GJC2: variants seen among roughly 807,000 people sequenced by gnomAD.
GJC2 encodes the protein gap junction gamma-2 protein.
For synonymous variants in GJC2, 336 were observed against 307.5 expected, an observed-to-expected ratio of 1.09 and a Z score of -0.97; for missense variants, 647 against 648.9, an observed-to-expected ratio of 1.00 and a Z score of 0.03.
Position 228,159,282 on chromosome 1 carries a change from G to A in GJC2, c.*204G>A. On this transcript the variant is annotated 3_prime_UTR_variant, in exon 2 of 2. Transcript: ENST00000366714. The surrounding 1 kb of genome is among the most constrained non-coding windows in gnomAD (Gnocchi z 4.0). ...GTCACCACTGGGGCCAAGGTGGGGT[G>A]GAGAGAGGCCTAGGAGCCAGAAAGG... 9.6e-6 allele frequency: 6 copies of A among 627,662 alleles called. No homozygotes were observed. Among genetic ancestry groups the A allele is most frequent in the Non-Finnish European group, 1.7e-5 (6 of 354,576 alleles). The allele number at this position is 627,662 out of a possible 1,614,324, so 38.9% of individuals were successfully genotyped here.
Position 228,159,407 on chromosome 1 carries a change from T to G in GJC2, c.*329T>G, listed in dbSNP as rs1202966387. The G allele has an allele frequency of 3.0e-6, 1 of 329,868 alleles. No homozygotes were observed. Among genetic ancestry groups the G allele is most frequent in the Non-Finnish European group, 5.9e-6 (1 of 169,540 alleles). The allele number at this position is 329,868 out of a possible 1,614,324, so 20.4% of individuals were successfully genotyped here. On this transcript the variant is annotated 3_prime_UTR_variant, in exon 2 of 2. Coordinates refer to ENST00000366714, the MANE Select transcript of GJC2 (RefSeq NM_020435.4). The surrounding 1 kb of genome is among the most constrained non-coding windows in gnomAD (Gnocchi z 4.0). Reference sequence around the variant, plus strand: ...TCTGGGATGCCAGCTCTCCCCTTTGTGCTTCCCTGCAGCAACCCATGGAGG... The same window carrying G: ...TCTGGGATGCCAGCTCTCCCCTTTGGGCTTCCCTGCAGCAACCCATGGAGG...
chr1:228,154,811 C>T (rs2034660634), intron 1 of GJC2, among the ~76,000 whole-genome samples: 1 of 152,264 alleles, frequency 6.6e-6, no homozygotes, highest in Non-Finnish European at 1.5e-5. Context: ...CACAGACTTC[C>T]TCTCTGACAC....
chr1:228,158,436 C>T lies in GJC2; in HGVS notation c.678C>T (p.Ala226=), dbSNP rs753309235. The T allele has an allele frequency of 1.5e-5, 24 of 1,609,156 alleles. No homozygotes were observed. The highest frequency in any genetic ancestry group is 1.8e-5 in the Non-Finnish European group (21 of 1,179,570). ...TGGCCAGGGCAGCTTTCGAGGTGGC[C>T]TTCCTGGTGGGCCAGTACCTGCTGT... ...QLVARAAFEV[A]FLVGQYLLYG... Residue 226 remains alanine, a synonymous_variant, in exon 2 of 2, where the codon GCC becomes GCT. Transcript: ENST00000366714. The surrounding 1 kb of genome is among the most constrained non-coding windows in gnomAD (Gnocchi z 8.3).
Position 228,151,582 on chromosome 1 carries a change from G to A in GJC2, c.-20+1575G>A, listed in dbSNP as rs1199454424. 2.0e-5 allele frequency among the ~76,000 whole-genome samples: 3 copies of A among 152,184 alleles called. No homozygotes were observed. Among genetic ancestry groups the A allele is most frequent in the Admixed American group, 6.5e-5 (1 of 15,280 alleles). On this transcript the variant is annotated intron_variant, in intron 1 of 1. Coordinates refer to ENST00000366714, the MANE Select transcript of GJC2 (RefSeq NM_020435.4). This position sits in a 1 kb window ranked among gnomAD's most constrained non-coding sequence, Gnocchi z 5.4. The stretch of plus-strand genomic sequence containing the variant: ...CGAGCAGCAGTGTGCATGTGGCAGT[G>A]TGCACTGCTTGTGTGTGGGGGGGTG...
chr1:228,150,817 G>T lies in GJC2; in HGVS notation c.-20+810G>T, dbSNP rs751823861. The stretch of plus-strand genomic sequence containing the variant: ...CTGGGCGTTCAGGAGGGAAGAGACG[G>T]GTTCGTGGATCCTGCGGGTGGAGGG... On this transcript the variant is annotated intron_variant, in intron 1 of 1. Transcript: ENST00000366714. This position sits in a 1 kb window ranked among gnomAD's most constrained non-coding sequence, Gnocchi z 4.6. Among the ~76,000 whole-genome samples the T allele has an allele frequency of 1.3e-5, 2 of 152,114 alleles. No homozygotes were observed. Among genetic ancestry groups the T allele is most frequent in the African/African-American group, 4.8e-5 (2 of 41,426 alleles).
Position 228,158,460 on chromosome 1 carries a change from G to A in GJC2, c.702G>A (p.Leu234=). 1 of 1,611,350 alleles carries A rather than the reference G, an allele frequency of 6.2e-7. No individual in the cohort carries two copies. The highest frequency in any genetic ancestry group is 1.3e-5 in the African/African-American group (1 of 75,014). The change falls in exon 2 of 2, where the codon CTG becomes CTA. Residue 234 remains leucine, a synonymous_variant. Transcript: ENST00000366714. The surrounding 1 kb of genome is among the most constrained non-coding windows in gnomAD (Gnocchi z 8.3). The part of the protein sequence containing the change: ...EVAFLVGQYL[L]YGFEVRPFFP... ...CCTTCCTGGTGGGCCAGTACCTGCT[G>A]TACGGCTTCGAGGTGCGACCGTTCT...
intron 1 of GJC2, among the ~76,000 whole-genome samples, chr1:228,154,993 G>T (rs549397886): frequency 6.6e-6 from 1 of 152,310 alleles, no homozygotes; most frequent in Non-Finnish European, 1.5e-5. Context: ...CTTTGCAGGC[G>T]CCAGAGCAAA....
In GJC2 at chr1:228,158,061, C is replaced by T. The variant is rs147954793; in HGVS notation, c.303C>T (p.Arg101=). 4.4e-6 allele frequency: 7 copies of T among 1,605,166 alleles called. No homozygotes were observed. The highest frequency in any genetic ancestry group is 5.9e-6 in the Non-Finnish European group (7 of 1,178,462). The change falls in exon 2 of 2, where the codon CGC becomes CGT. Residue 101 remains arginine, a synonymous_variant. Coordinates refer to ENST00000366714, the MANE Select transcript of GJC2 (RefSeq NM_020435.4). This position sits in a 1 kb window ranked among gnomAD's most constrained non-coding sequence, Gnocchi z 8.3. ...SVMYLGYAVH[R]LARASEQERR... ...TGTACCTGGGCTACGCCGTGCACCG[C>T]CTGGCCCGTGCGTCTGAGCAGGAGC...
chr1:228,159,358 C>A lies in GJC2; in HGVS notation c.*280C>A. The A allele has an allele frequency of 4.1e-6, 2 of 491,324 alleles. No homozygotes were observed. The highest frequency in any genetic ancestry group is 5.4e-5 in the South Asian group (2 of 37,264). 30.4% of individuals were successfully genotyped at this position (491,324 alleles called of 1,614,324 possible). On this transcript the variant is annotated 3_prime_UTR_variant, in exon 2 of 2. Coordinates refer to ENST00000366714, the MANE Select transcript of GJC2 (RefSeq NM_020435.4). The surrounding 1 kb of genome is among the most constrained non-coding windows in gnomAD (Gnocchi z 4.0). ...GGGGGAGTGGGGCATTGACTCCACC[C>A]CTGTCCTGAGCTGGAATAGGTCCTC...
At position 228,156,959 on chromosome 1, in the gene GJC2, C is replaced by T. The variant is rs183815346; in HGVS notation, c.-19-781C>T. 7.4e-4 allele frequency among the ~76,000 whole-genome samples: 113 copies of T among 152,370 alleles called. No homozygotes were observed. The East Asian group carries it at 0.02, about 27-fold the overall frequency. On this transcript the variant is annotated intron_variant, in intron 1 of 1. Transcript: ENST00000366714. ...CTGGACACCGTCCCTCCTGGACGGACGACTGGCTTCATCCTGACCCCAGCT... is the reference window on the plus strand; with the variant it reads ...CTGGACACCGTCCCTCCTGGACGGATGACTGGCTTCATCCTGACCCCAGCT...
In GJC2 at chr1:228,158,729, C is replaced by A; in HGVS notation, c.971C>A (p.Ala324Asp). 7.5e-7 allele frequency: 1 copy of A among 1,336,454 alleles called. No homozygotes were observed. Among genetic ancestry groups the A allele is most frequent in the Non-Finnish European group, 9.6e-7 (1 of 1,039,350 alleles). The allele number at this position is 1,336,454 out of a possible 1,614,324, so 82.8% of individuals were successfully genotyped here. The change falls in exon 2 of 2, where the codon GCC (alanine) becomes GAC (aspartate). Residue 324 changes from alanine to aspartate, a missense_variant. Physicochemically the swap from Ala to Asp is moderately radical, Grantham distance 126 (BLOSUM62 -2). Transcript: ENST00000366714. This position sits in a 1 kb window ranked among gnomAD's most constrained non-coding sequence, Gnocchi z 8.3. Reference protein sequence around the residue: ...RPPPCAFPAAAAGLACPPDYS... With the variant: ...RPPPCAFPAADAGLACPPDYS... ...CCGCCCTGCGCCTTCCCTGCGGCGG[C>A]CGCTGGCTTGGCCTGCCCGCCCGAC...
chr1:228,153,078 G>A, intron 1 of GJC2, among the ~76,000 whole-genome samples: 1 of 152,018 alleles, frequency 6.6e-6, no homozygotes, highest in East Asian at 1.9e-4. Context: ...TGGCTCCCTG[G>A]GGGCCAGCAC....
chr1:228,158,730 C>A lies in GJC2; in HGVS notation c.972C>A (p.Ala324=). Reference sequence around the variant, plus strand: ...CGCCCTGCGCCTTCCCTGCGGCGGCCGCTGGCTTGGCCTGCCCGCCCGACT... The same window carrying A: ...CGCCCTGCGCCTTCCCTGCGGCGGCAGCTGGCTTGGCCTGCCCGCCCGACT... ...RPPPCAFPAA[A]AGLACPPDYS... The change falls in exon 2 of 2, where the codon GCC becomes GCA. Residue 324 remains alanine (A), a synonymous_variant. Transcript: ENST00000366714. The surrounding 1 kb of genome is among the most constrained non-coding windows in gnomAD (Gnocchi z 8.3). The A allele has an allele frequency of 7.5e-7, 1 of 1,339,978 alleles. No homozygotes were observed. Among genetic ancestry groups the A allele is most frequent in the Non-Finnish European group, 9.6e-7 (1 of 1,041,352 alleles). 83.0% of individuals were successfully genotyped at this position (1,339,978 alleles called of 1,614,324 possible). A position where few individuals can be genotyped will look rare whatever the true frequency, so the allele number is the denominator to read the frequency against.
At chr1:228,156,023 C>T (rs531565296) in intron 1 of GJC2, among the ~76,000 whole-genome samples, 5 of 152,334 alleles carry the variant, frequency 3.3e-5, no homozygotes, top group South Asian at 2.1e-4. Context: ...ATCAGTGGGC[C>T]TTAGCCTGCT....
chr1:228,155,110 G>A (rs2034663499), intron 1 of GJC2, among the ~76,000 whole-genome samples: 1 of 152,220 alleles, frequency 6.6e-6, no homozygotes, highest in Non-Finnish European at 1.5e-5. Context: ...TCATCACATG[G>A]AATAGTCACT....
chr1:228,154,438 C>A (rs763891022), intron 1 of GJC2, among the ~76,000 whole-genome samples: 5 of 152,202 alleles, frequency 3.3e-5, no homozygotes, highest in Non-Finnish European at 7.3e-5. Context: ...AGCATCCACA[C>A]CATTCACGAT....
intron 1 of GJC2, among the ~76,000 whole-genome samples, chr1:228,154,642 G>A (rs1277066538): frequency 1.3e-5 from 2 of 152,220 alleles, no homozygotes; most frequent in Non-Finnish European, 2.9e-5. Context: ...GCACAGAGGA[G>A]CTGTCTCCTG....
In GJC2 at chr1:228,157,978, C is replaced by G. The variant is rs2034707943; in HGVS notation, c.220C>G (p.Leu74Val). 1 of 1,612,450 alleles carries G rather than the reference C, an allele frequency of 6.2e-7. No individual in the cohort carries two copies. Among genetic ancestry groups the G allele is most frequent in the South Asian group, 1.1e-5 (1 of 90,998 alleles). Residue 74 changes from leucine to valine, a missense_variant, in exon 2 of 2, where the codon CTG becomes GTG. Leu to Val is a conservative substitution (Grantham distance 32). Coordinates refer to ENST00000366714, the MANE Select transcript of GJC2 (RefSeq NM_020435.4). ...DNVCYDAFAPLSHVRFWVFQI... is the reference protein window; with the variant it reads ...DNVCYDAFAPVSHVRFWVFQI... ...CGTCTGCTATGACGCCTTCGCGCCC[C>G]TGTCGCACGTGCGCTTCTGGGTCTT...
intron 1 of GJC2, among the ~76,000 whole-genome samples, chr1:228,153,036 C>G (rs1179299077): frequency 6.6e-6 from 1 of 152,040 alleles, no homozygotes; most frequent in Non-Finnish European, 1.5e-5. Flanking sequence ...ATCTCTTGGA[C>G]TTGTGTGCAC....
Sources: allele counts gnomAD v4.1 joint callset (sites outside exome capture counted in the v4.1 genomes callset), GRCh38; gene constraint gnomAD v4.1.1; non-coding constraint Gnocchi (gnomAD v3.1); transcripts MANE v1.5; gene names NCBI Gene and HGNC (gene_info 2026-07-23, HGNC 2026-07-21).